Variants in SPMIP9 observed in about 807,000 individuals in gnomAD.
SPMIP9 encodes protein SPMIP9.
chr2:88,525,798 T>TG, the SPMIP9 span: 1 of 179,754 alleles, frequency 5.6e-6, no homozygotes, highest in Non-Finnish European at 9.5e-6. Context: ...GTTTTGTGGG[T>TG]TTTTTTTTTT....
chr2:88,528,903 C>A, the SPMIP9 span: 1 of 752,386 alleles, frequency 1.3e-6, no homozygotes, highest in Non-Finnish European at 2.1e-6. Context: ...TTTCAGCATT[C>A]CCTCTGTTGT....
At chr2:88,527,042 A>C in the SPMIP9 span, among the ~76,000 whole-genome samples, 1 of 152,228 alleles carries the variant, frequency 6.6e-6, no homozygotes, top group Non-Finnish European at 1.5e-5. Context: ...TTTAGAGTTA[A>C]AATTACACTG....
the SPMIP9 span, chr2:88,526,453 C>T: frequency 8.4e-5 from 135 of 1,614,112 alleles, 1 homozygote; most frequent in East Asian, 2.9e-3. Context: ...GGTCGACTAT[C>T]AGCCCTACAG....
the SPMIP9 span, chr2:88,526,269 C>T: frequency 7.3e-6 from 5 of 688,258 alleles, no homozygotes; most frequent in African/African-American, 3.6e-5. Context: ...AAATGGGTCA[C>T]AGCCAGATCA....
the SPMIP9 span, among the ~76,000 whole-genome samples, chr2:88,527,097 A>T: frequency 6.6e-6 from 1 of 152,222 alleles, no homozygotes; most frequent in Non-Finnish European, 1.5e-5. Context: ...AACATGGCAC[A>T]TTAACATTAG....
chr2:88,529,036 T>G, the SPMIP9 span: 1 of 1,601,964 alleles, frequency 6.2e-7, no homozygotes, highest in South Asian at 1.1e-5. Context: ...CATTCATGTG[T>G]GATTTGTTTC....
At chr2:88,525,546 G>A in the SPMIP9 span, 1 of 1,405,660 alleles carries the variant, frequency 7.1e-7, no homozygotes, top group Non-Finnish European at 1.0e-6. Flanking sequence ...GAAAGCTGGG[G>A]CAGCCATGCT....
At chr2:88,527,260 G>T in the SPMIP9 span, among the ~76,000 whole-genome samples, 1 of 151,902 alleles carries the variant, frequency 6.6e-6, no homozygotes, top group Non-Finnish European at 1.5e-5. Context: ...GAGACCAGGG[G>T]TTTGAGACCA....
chr2:88,529,445 T>TG, the SPMIP9 span: 1 of 1,613,310 alleles, frequency 6.2e-7, no homozygotes, highest in African/African-American at 1.3e-5. Context: ...CTTGAACCGG[T>TG]GGGGACCCTT....
At chr2:88,527,921 T>C in the SPMIP9 span, among the ~76,000 whole-genome samples, 1 of 152,204 alleles carries the variant, frequency 6.6e-6, no homozygotes, top group African/African-American at 2.4e-5. Context: ...TGGCAGACAT[T>C]TTAATTTTTG....
Sources: gnomAD v4.1 joint callset for allele counts (sites outside exome capture counted in the v4.1 genomes callset) on GRCh38, gnomAD v4.1.1 for gene constraint, MANE v1.5 for transcripts, NCBI Gene and HGNC (gene_info 2026-07-23, HGNC 2026-07-21) for gene names.